ZNF134: variants seen among roughly 807,000 people sequenced by gnomAD.
ZNF134 encodes the protein zinc finger protein 134 (clone pHZ-15).
A neutral mutation model predicts 2.5 loss-of-function variants in ZNF134; 5 were observed. That is an observed-to-expected ratio of 2.03 (90% CI 1.06 to 4.27). The LOEUF (loss-of-function observed/expected upper bound fraction) is 4.27, where lower values mean the gene tolerates loss of function less well. Among genes scored for constraint, ZNF134 ranks in the 30% most tolerant of loss-of-function variants. The pLI is 0.00. For missense variants in ZNF134, 540 were observed against 517.5 expected (o/e 1.04, Z -0.42); for synonymous variants, 176 against 176.2 (o/e 1.00, Z 0.01).
At chr19:57,616,821 T>G (rs1224250642) in intron 1 of ZNF134, among the ~76,000 whole-genome samples, 1 of 152,132 alleles carries the variant, frequency 6.6e-6, no homozygotes, top group Non-Finnish European at 1.5e-5. Context: ...AGGCCCTCAC[T>G]TAGCCCAACA....
chr19:57,617,585 T>G (rs910234812), intron 1 of ZNF134, among the ~76,000 whole-genome samples: 10 of 152,200 alleles, frequency 6.6e-5, no homozygotes, highest in Non-Finnish European at 1.3e-4. Flanking sequence ...CCAAAGACAC[T>G]TGAGTGGAGG....
In ZNF134 at chr19:57,621,193, C is replaced by G. The variant is rs755924125; in HGVS notation, c.1074C>G (p.Asp358Glu). The change falls in exon 3 of 3, where the codon GAC (aspartate) becomes GAG (glutamate). Residue 358 changes from aspartate (D) to glutamate (E), a missense_variant. Physicochemically the swap from Asp to Glu is conservative, Grantham distance 45. Coordinates refer to ENST00000396161, the MANE Select transcript of ZNF134 (RefSeq NM_003435.5). The part of the protein sequence containing the change: ...ECGKFFSRSS[D>E]YIAHQRVHTG... ...GGAAATTCTTTAGTCGAAGTTCTGA[C>G]TATATTGCACACCAGAGGGTTCACA... 2.5e-6 allele frequency: 4 copies of G among 1,614,180 alleles called. No homozygotes were observed. The highest frequency in any genetic ancestry group is 3.4e-6 in the Non-Finnish European group (4 of 1,180,046).
chr19:57,616,388 AT>A, intron 1 of ZNF134, among the ~76,000 whole-genome samples: 1 of 152,324 alleles, frequency 6.6e-6, no homozygotes, highest in Middle Eastern at 3.4e-3. Flanking sequence ...TCTTAACCAA[AT>A]TTTCTTAAAA....
intron 2 of ZNF134, 93 bp downstream of exon 2, chr19:57,619,601 AG>A (rs1981141411): frequency 7.4e-7 from 1 of 1,358,418 alleles, no homozygotes; most frequent in Admixed American, 2.8e-5. Context: ...CCAAGGCCAG[AG>A]GCCCTAACTT....
chr19:57,614,825 G>A (rs1011237827), intron 1 of ZNF134, among the ~76,000 whole-genome samples: 1 of 152,170 alleles, frequency 6.6e-6, no homozygotes, highest in African/African-American at 2.4e-5. Context: ...GATTTTTAAA[G>A]TATTCCAATG....
In ZNF134 at chr19:57,620,721, A is replaced by G. The variant is rs994873257; in HGVS notation, c.602A>G (p.Glu201Gly). Reference sequence around the variant, plus strand: ...CAGCACCAGAGAATTCATAGTGGAGAGAAGCCTTATGAGTGCAGCGAATGT... The same window carrying G: ...CAGCACCAGAGAATTCATAGTGGAGGGAAGCCTTATGAGTGCAGCGAATGT... ...LVQHQRIHSG[E>G]KPYECSECGK... Residue 201 changes from glutamate to glycine, a missense_variant, in exon 3 of 3, where the codon GAG (glutamate) becomes GGG (glycine). Physicochemically the swap from Glu to Gly is moderately conservative, Grantham distance 98. Transcript: ENST00000396161. 7 of 1,611,152 alleles carry G rather than the reference A, an allele frequency of 4.3e-6. No individual in the cohort carries two copies. The highest frequency in any genetic ancestry group is 1.3e-5 in the African/African-American group (1 of 74,922).
rs1981280855 is a variant in ZNF134, at chr19:57,623,181, AT to A, written c.*1782del. On this transcript the variant is annotated 3_prime_UTR_variant, in exon 3 of 3. Transcript: ENST00000396161. The stretch of plus-strand genomic sequence containing the variant: ...ATGTAAGTCTGCCTATAAAGTGTTA[AT>A]TTTGCATGCTGTCTTTCATGCAACA... 1.3e-5 allele frequency: 2 copies of A among 152,122 alleles called. No homozygotes were observed. Among genetic ancestry groups the A allele is most frequent in the African/African-American group, 4.8e-5 (2 of 41,424 alleles). 9.4% of individuals were successfully genotyped at this position (152,122 alleles called of 1,614,324 possible).
chr19:57,620,029 A>G lies in ZNF134; in HGVS notation c.41-131A>G, dbSNP rs1981153600. The G allele has an allele frequency of 4.7e-6, 5 of 1,068,782 alleles. No individual in the cohort carries two copies. The East Asian group carries it at 1.2e-4, about 27-fold the overall frequency. The allele number at this position is 1,068,782 out of a possible 1,614,324, so 66.2% of individuals were successfully genotyped here. On this transcript the variant is annotated intron_variant, in intron 2 of 2. Transcript: ENST00000396161. The stretch of plus-strand genomic sequence containing the variant: ...GTACTGTACAGCAGCCCTTTTTTCA[A>G]CCTGATCCTAGCTCTGTTCCACCAG...
rs1228664064 is a variant in ZNF134, at chr19:57,622,632, A to C, written c.*1229A>C. The C allele has an allele frequency of 6.6e-6, 1 of 152,180 alleles. No homozygotes were observed. Among genetic ancestry groups the C allele is most frequent in the Non-Finnish European group, 1.5e-5 (1 of 68,046 alleles). The allele number at this position is 152,180 out of a possible 1,614,324, so 9.4% of individuals were successfully genotyped here. ...TCTTTACCTAATGTCTTTGCGGCAC[A>C]GGCGGTAACCCTGGGAGTAAAGAGG... is the stretch of plus-strand genomic sequence containing the variant. On this transcript the variant is annotated 3_prime_UTR_variant, in exon 3 of 3. Transcript: ENST00000396161.
intron 1 of ZNF134, chr19:57,618,868 G>A (rs1981120909): frequency 6.5e-6 from 1 of 153,778 alleles, no homozygotes; most frequent in African/African-American, 2.4e-5. Context: ...CGCATTTATA[G>A]TCTCCCTGGG....
chr19:57,614,366 C>A lies in ZNF134; in HGVS notation c.-195C>A. ...AGTCGCTGTTCGCTCTGCGGAGTGG[C>A]TCGCCAGCGAAGACCCCGCCTGCGC... On this transcript the variant is annotated 5_prime_UTR_variant, in exon 1 of 3. Transcript: ENST00000396161. 2.2e-6 allele frequency: 1 copy of A among 454,480 alleles called. No homozygotes were observed. The highest frequency in any genetic ancestry group is 2.0e-5 in the African/African-American group (1 of 50,050). The allele number at this position is 454,480 out of a possible 1,614,324, so 28.2% of individuals were successfully genotyped here. A position where few individuals can be genotyped will look rare whatever the true frequency, so the allele number is the denominator to read the frequency against.
chr19:57,619,006 C>T (rs892790242), intron 1 of ZNF134: 2 of 199,688 alleles, frequency 1.0e-5, no homozygotes, highest in African/African-American at 4.8e-5. Context: ...ACATAGGTCC[C>T]CTGGGTGCCT....
At chr19:57,619,764 C>G in intron 2 of ZNF134, 1 of 566,242 alleles carries the variant, frequency 1.8e-6, no homozygotes. Context: ...TACACTTACA[C>G]TATTGTGTCA....
At position 57,620,141 on chromosome 19, in the gene ZNF134, A is replaced by G. The variant is rs765879120; in HGVS notation, c.41-19A>G. On this transcript the variant is annotated intron_variant, in intron 2 of 2. Coordinates refer to ENST00000396161, the MANE Select transcript of ZNF134 (RefSeq NM_003435.5). ...CACCAAAGTCAGCATGTACATCAATAGTATTTTTCTGCCTTCAGGTTGTTG... is the reference window on the plus strand; with the variant it reads ...CACCAAAGTCAGCATGTACATCAATGGTATTTTTCTGCCTTCAGGTTGTTG... 8 of 1,602,754 alleles carry G rather than the reference A, an allele frequency of 5.0e-6. No individual in the cohort carries two copies. The African/African-American group carries it at 8.0e-5, about 16-fold the overall frequency.
intron 1 of ZNF134, among the ~76,000 whole-genome samples, chr19:57,617,400 G>C (rs564707458): frequency 1.3e-3 from 194 of 152,332 alleles, no homozygotes; most frequent in African/African-American, 3.9e-3. Flanking sequence ...GGACCAACCA[G>C]ATTTTCTGAT....
Position 57,620,255 on chromosome 19 carries a change from G to T in ZNF134, c.136G>T (p.Ala46Ser), listed in dbSNP as rs10413455. 3.9e-5 allele frequency: 63 copies of T among 1,613,972 alleles called. No individual in the cohort carries two copies. The highest frequency in any genetic ancestry group is 5.3e-5 in the African/African-American group (4 of 74,892). Residue 46 changes from alanine to serine, a missense_variant, in exon 3 of 3, where the codon GCA (alanine) becomes TCA (serine). Coordinates refer to ENST00000396161, the MANE Select transcript of ZNF134 (RefSeq NM_003435.5). ...HVNTSKAGLP[A>S]QTALPCDICG... ...TAATACTTCCAAGGCAGGTTTGCCC[G>T]CACAGACGGCTCTCCCTTGTGACAT...
At chr19:57,615,701 A>G (rs537913833) in intron 1 of ZNF134, among the ~76,000 whole-genome samples, 2 of 152,250 alleles carry the variant, frequency 1.3e-5, no homozygotes, top group South Asian at 2.1e-4. Flanking sequence ...AGCTGAGCCA[A>G]TTGGGTATTT....
intron 1 of ZNF134, among the ~76,000 whole-genome samples, chr19:57,618,469 G>C (rs1981111385): frequency 6.6e-6 from 1 of 152,182 alleles, no homozygotes; most frequent in African/African-American, 2.4e-5. Context: ...CTTTGGTATG[G>C]AGGGTTTCTG....
In ZNF134 at chr19:57,621,342, C is replaced by A. The variant is rs1196103935; in HGVS notation, c.1223C>A (p.Ala408Asp). ...RPYECSECGK[A>D]YSLSSHLNRH... ...TATGAGTGCAGTGAATGTGGGAAGG[C>A]CTACAGCTTAAGCTCCCACCTCAAT... The change falls in exon 3 of 3, where the codon GCC becomes GAC. Residue 408 changes from alanine (A) to aspartate (D), a missense_variant. Ala to Asp is a moderately radical substitution (Grantham distance 126). Coordinates refer to ENST00000396161, the MANE Select transcript of ZNF134 (RefSeq NM_003435.5). 3.8e-5 allele frequency: 61 copies of A among 1,614,100 alleles called. No individual in the cohort carries two copies. The East Asian group carries it at 1.4e-3, about 36-fold the overall frequency.
Sources: allele counts gnomAD v4.1 joint callset (sites outside exome capture counted in the v4.1 genomes callset), GRCh38; gene constraint gnomAD v4.1.1; transcripts MANE v1.5; gene names NCBI Gene and HGNC (gene_info 2026-07-23, HGNC 2026-07-21).